UNC13C: variants seen among roughly 807,000 people sequenced by gnomAD.
UNC13C encodes unc-13 homolog C, also known as protein unc-13 homolog C.
Under a neutral mutation model 245.4 loss-of-function variants are expected in UNC13C, and 174 were observed. The observed-to-expected ratio is 0.71, with a 90% CI of 0.63 to 0.80. The LOEUF is 0.80. Among genes scored for constraint, UNC13C ranks in the 30% least tolerant of loss-of-function variants. The pLI, the probability that UNC13C is intolerant of heterozygous loss-of-function variation, is 0.00. For missense variants in UNC13C, 2,829 were observed against 2,602.9 expected (o/e 1.09, Z -1.89); for synonymous variants, 992 against 895.1 (o/e 1.11, Z -1.93).
chr15:54,254,743 C>G (rs2036236479), intron 8 of UNC13C, among the ~76,000 whole-genome samples: 1 of 152,270 alleles, frequency 6.6e-6, no homozygotes, highest in African/African-American at 2.4e-5. Context: ...GTGTTCTTTC[C>G]TAACTTATAA....
chr15:54,540,056 A>G (rs1238907300), intron 26 of UNC13C, among the ~76,000 whole-genome samples: 1 of 152,126 alleles, frequency 6.6e-6, no homozygotes, highest in Non-Finnish European at 1.5e-5. Flanking sequence ...CTCAGGGCTA[A>G]TTCAGAATGC....
intron 4 of UNC13C, among the ~76,000 whole-genome samples, chr15:54,165,834 C>CT (rs1275973448): frequency 1.3e-5 from 2 of 151,554 alleles, no homozygotes; most frequent in South Asian, 2.1e-4. Flanking sequence ...TTCTGTTTTC[C>CT]TTTTTTTCTC....
intron 30 of UNC13C, among the ~76,000 whole-genome samples, chr15:54,613,038 C>CTTGT (rs1717130733): frequency 6.6e-6 from 1 of 151,770 alleles, no homozygotes; most frequent in Admixed American, 6.6e-5. Context: ...TTATTTGTCT[C>CTTGT]TCAAGAACAA....
chr15:54,113,736 G>C (rs1463059651), intron 2 of UNC13C, among the ~76,000 whole-genome samples: 3 of 152,100 alleles, frequency 2.0e-5, no homozygotes, highest in Non-Finnish European at 4.4e-5. Flanking sequence ...TGAGGCAGGA[G>C]AATTGCTTGA....
At chr15:54,565,744 A>G (rs549589290) in intron 29 of UNC13C, among the ~76,000 whole-genome samples, 1 of 152,166 alleles carries the variant, frequency 6.6e-6, no homozygotes, top group African/African-American at 2.4e-5. Flanking sequence ...TTGTATTACT[A>G]GGGACAAAAA....
intron 28 of UNC13C, among the ~76,000 whole-genome samples, chr15:54,552,381 CATATA>C (rs1218702745): frequency 3.2e-5 from 3 of 94,632 alleles, no homozygotes; most frequent in South Asian, 2.9e-4. Flanking sequence ...TATATTACAG[CATATA>C]ATATAATATA....
At chr15:54,472,999 T>A (rs577984760) in intron 19 of UNC13C, among the ~76,000 whole-genome samples, 1 of 151,856 alleles carries the variant, frequency 6.6e-6, no homozygotes, top group South Asian at 2.1e-4. Context: ...TATTCAACCC[T>A]CTTTTCCCTC....
the UNC13C span, among the ~76,000 whole-genome samples, chr15:53,898,971 T>A: frequency 1.2e-4 from 18 of 145,974 alleles, no homozygotes; most frequent in South Asian, 2.3e-4. Context: ...CATCCCCAAC[T>A]GTCCCCCACA....
At chr15:54,074,655 G>A (rs922197214) in intron 2 of UNC13C, among the ~76,000 whole-genome samples, 7 of 152,052 alleles carry the variant, frequency 4.6e-5, no homozygotes, top group Admixed American at 2.6e-4. Flanking sequence ...ATGAATGGGA[G>A]TCACTCATGG....
intron 30 of UNC13C, among the ~76,000 whole-genome samples, chr15:54,582,754 G>T (rs1271308967): frequency 6.6e-6 from 1 of 152,002 alleles, no homozygotes; most frequent in East Asian, 1.9e-4. Flanking sequence ...GAATTATGAC[G>T]ACCACCACTA....
At chr15:54,019,782 T>G (rs149919171) in intron 2 of UNC13C, among the ~76,000 whole-genome samples, 1,857 of 152,316 alleles carry the variant, frequency 0.012, 23 homozygotes, top group Non-Finnish European at 0.015. Flanking sequence ...GGTAGATACT[T>G]TGTTAGACTA....
chr15:54,592,741 C>T (rs370460550), intron 30 of UNC13C, among the ~76,000 whole-genome samples: 8 of 151,974 alleles, frequency 5.3e-5, no homozygotes, highest in African/African-American at 1.9e-4. Context: ...AGTTCTTATC[C>T]GTTCTGTGGT....
downstream of UNC13C, chr15:54,632,005 G>A (rs999726803): frequency 2.6e-5 from 4 of 152,094 alleles, no homozygotes; most frequent in Non-Finnish European, 5.9e-5. Context: ...ACTGGGTATC[G>A]TCAGTTCTTT....
At chr15:54,030,457 T>A (rs545906298) in intron 2 of UNC13C, among the ~76,000 whole-genome samples, 2 of 152,186 alleles carry the variant, frequency 1.3e-5, no homozygotes, top group East Asian at 3.9e-4. Context: ...AACTTAGAGA[T>A]AATCTCAGAC....
At chr15:54,280,785 C>CATAT (rs142960519) in intron 10 of UNC13C, among the ~76,000 whole-genome samples, 38 of 142,408 alleles carry the variant, frequency 2.7e-4, no homozygotes, top group East Asian at 2.6e-3. Context: ...TATATATACA[C>CATAT]ATATATATAT....
chr15:54,450,931 A>T (rs1891138468), intron 19 of UNC13C, among the ~76,000 whole-genome samples: 1 of 152,086 alleles, frequency 6.6e-6, no homozygotes, highest in South Asian at 2.1e-4. Flanking sequence ...AGTTTCTTTT[A>T]GGGTCAGTCA....
intron 17 of UNC13C, among the ~76,000 whole-genome samples, chr15:54,343,356 C>G (rs2038782031): frequency 6.6e-6 from 1 of 152,114 alleles, no homozygotes; most frequent in African/African-American, 2.4e-5. Context: ...TGGGCTCGAA[C>G]TCCTGACCTC....
At chr15:54,150,457 A>C (rs931930231) in intron 4 of UNC13C, among the ~76,000 whole-genome samples, 15 of 152,238 alleles carry the variant, frequency 9.9e-5, no homozygotes, top group Admixed American at 3.3e-4. Context: ...GAGCAAGCAC[A>C]TAATGTCCTA....
At chr15:54,279,991 G>T (rs1473500057) in intron 10 of UNC13C, among the ~76,000 whole-genome samples, 1 of 152,186 alleles carries the variant, frequency 6.6e-6, no homozygotes, top group Non-Finnish European at 1.5e-5. Context: ...CAGAGAAGCA[G>T]ATAGAAGGGT....
Sources: gnomAD v4.1 joint callset for allele counts (sites outside exome capture counted in the v4.1 genomes callset) on GRCh38, gnomAD v4.1.1 for gene constraint, MANE v1.5 for transcripts, NCBI Gene and HGNC (gene_info 2026-07-23, HGNC 2026-07-21) for gene names.